The following ERG variants were observed in gnomAD, a reference collection of about 807,000 sequenced individuals.
ERG encodes the protein ETS transcription factor ERG.
ERG carries 9 observed loss-of-function variants against 55.3 expected under a neutral mutation model. The observed-to-expected ratio is 0.16, with a 90% CI of 0.10 to 0.28. The LOEUF is 0.28. Among genes scored for constraint, ERG ranks in the 10% least tolerant of loss-of-function variants. The pLI, the probability that ERG is intolerant of heterozygous loss-of-function variation, is 1.00. For synonymous variants in ERG, 223 were observed against 237.3 expected, an observed-to-expected ratio of 0.94 and a Z score of 0.55; for missense variants, 434 against 631.6, an observed-to-expected ratio of 0.69 and a Z score of 3.35.
chr21:38,395,444 C>T (rs1016832842), intron 6 of ERG: 8 of 217,614 alleles, frequency 3.7e-5, no homozygotes, highest in African/African-American at 1.3e-4. Flanking sequence ...ATTTAATTTT[C>T]GCTGATCATT....
At chr21:38,585,347 G>A (rs1029628785), upstream of ERG, among the ~76,000 whole-genome samples, 1 of 152,010 alleles carries the variant, frequency 6.6e-6, no homozygotes, top group African/African-American at 2.4e-5. Flanking sequence ...AAAACATCCC[G>A]AGAACTGTAA....
chr21:38,579,592 G>A (rs2060015526), intron 1 of ERG, among the ~76,000 whole-genome samples: 1 of 152,158 alleles, frequency 6.6e-6, no homozygotes, highest in African/African-American at 2.4e-5. Flanking sequence ...AAGGCATGAA[G>A]CAGGGAACCT....
chr21:38,439,389 G>C (rs1217516808), intron 2 of ERG, among the ~76,000 whole-genome samples: 1 of 152,210 alleles, frequency 6.6e-6, no homozygotes. Context: ...GCAAATTCAG[G>C]GCATTGGTAG....
intron 1 of ERG, among the ~76,000 whole-genome samples, chr21:38,594,372 G>A (rs955552253): frequency 6.6e-6 from 1 of 152,094 alleles, no homozygotes; most frequent in Non-Finnish European, 1.5e-5. Context: ...ATGCCTCCCC[G>A]TTAACCCATG....
At chr21:38,548,743 C>T (rs1427723293) in intron 2 of ERG, among the ~76,000 whole-genome samples, 2 of 147,468 alleles carry the variant, frequency 1.4e-5, no homozygotes, top group Admixed American at 1.4e-4. Context: ...AGATTACAGG[C>T]GTGAGCCACC....
chr21:38,652,127 A>G (rs936267960), intron 1 of ERG, among the ~76,000 whole-genome samples: 5 of 152,132 alleles, frequency 3.3e-5, no homozygotes, highest in African/African-American at 9.7e-5. Context: ...GATCCCTCCA[A>G]CACTCCAGAG....
intron 2 of ERG, among the ~76,000 whole-genome samples, chr21:38,560,454 C>T (rs560447480): frequency 1.2e-4 from 19 of 152,266 alleles, no homozygotes; most frequent in Admixed American, 3.3e-4. Context: ...ACCCGGGGCC[C>T]CTCCAAAGGC....
rs774845793 is a variant in ERG, at chr21:38,383,582, A to G, written c.1261T>C (p.Tyr421His). ...TTCATCTTCTGTGGGTGGGCGTGAT[A>G]GGAGCCCATGTACGGGAGGTCTGAG... ...YPSDLPYMGS[Y>H]HAHPQKMNFV... is the part of the protein sequence containing the mutation. Residue 421 changes from tyrosine (Y) to histidine (H), a missense_variant, in exon 10 of 10, where the codon TAT becomes CAT. Physicochemically the swap from Tyr to His is moderately conservative, Grantham distance 83 (BLOSUM62 2). Transcript: ENST00000288319. The surrounding 1 kb of genome is among the most constrained non-coding windows in gnomAD (Gnocchi z 5.7). The G allele has an allele frequency of 1.9e-6, 3 of 1,607,340 alleles. No individual in the cohort carries two copies. The highest frequency in any genetic ancestry group is 2.6e-6 in the Non-Finnish European group (3 of 1,174,874).
chr21:38,561,322 T>C (rs1176542153), intron 2 of ERG, among the ~76,000 whole-genome samples: 2 of 152,188 alleles, frequency 1.3e-5, no homozygotes, highest in African/African-American at 4.8e-5. Context: ...ATTTTATATA[T>C]AATTCTTGCA....
At position 38,429,691 on chromosome 21, in the gene ERG, G is replaced by A. The variant is rs1990104654; in HGVS notation, c.237-6130C>T. On this transcript the variant is annotated intron_variant, in intron 2 of 9. Coordinates refer to ENST00000288319, the MANE Select transcript of ERG (RefSeq NM_182918.4). ...TATGTGTATATATGTATATATGTGTGTATACATGTATATGTGTGTGCATAT... is the reference window on the plus strand; with the variant it reads ...TATGTGTATATATGTATATATGTGTATATACATGTATATGTGTGTGCATAT... Among the ~76,000 whole-genome samples, 6 of 147,376 alleles carry A rather than the reference G, an allele frequency of 4.1e-5. 1 individual carries two copies. The highest frequency in any genetic ancestry group is 1.5e-4 in the African/African-American group (6 of 39,866).
chr21:38,427,835 A>G (rs898030714), intron 2 of ERG, among the ~76,000 whole-genome samples: 1 of 152,142 alleles, frequency 6.6e-6, no homozygotes, highest in Non-Finnish European at 1.5e-5. Context: ...CAAGATGCAA[A>G]TAAGAAAGAG....
intron 2 of ERG, among the ~76,000 whole-genome samples, chr21:38,570,470 T>C (rs1179972379): frequency 6.6e-6 from 1 of 152,246 alleles, no homozygotes; most frequent in Non-Finnish European, 1.5e-5. Context: ...ATGCTCATGT[T>C]GCTCCATAGG....
intron 2 of ERG, among the ~76,000 whole-genome samples, chr21:38,558,251 G>A (rs2059870227): frequency 1.3e-5 from 2 of 152,092 alleles, no homozygotes; most frequent in Admixed American, 1.3e-4. Flanking sequence ...TGGAGAAAGG[G>A]GACCAACCAC....
In ERG at chr21:38,380,850, G is replaced by C. The variant is rs1354899539; in HGVS notation, c.*2553C>G. 3 of 1,065,002 alleles carry C rather than the reference G, an allele frequency of 2.8e-6. No individual in the cohort carries two copies. Among genetic ancestry groups the C allele is most frequent in the Non-Finnish European group, 3.4e-6 (3 of 879,202 alleles). 66.0% of individuals were successfully genotyped at this position (1,065,002 alleles called of 1,614,324 possible). A position where few individuals can be genotyped will look rare whatever the true frequency, so the allele number is the denominator to read the frequency against. ...ATGATCTTGCTCATGAGACAGTCTTGAAGAGAGAACTGAGTGATTATCCAA... is the reference window on the plus strand; with the variant it reads ...ATGATCTTGCTCATGAGACAGTCTTCAAGAGAGAACTGAGTGATTATCCAA... On this transcript the variant is annotated 3_prime_UTR_variant, in exon 10 of 10. Coordinates refer to ENST00000288319, the MANE Select transcript of ERG (RefSeq NM_182918.4).
intron 2 of ERG, among the ~76,000 whole-genome samples, chr21:38,520,322 C>A (rs1245367350): frequency 6.6e-6 from 1 of 152,116 alleles, no homozygotes; most frequent in Non-Finnish European, 1.5e-5. Context: ...CAAATAGGAA[C>A]CAGCTACTTA....
intron 2 of ERG, among the ~76,000 whole-genome samples, chr21:38,424,435 GCACAGAA>G (rs1989724379): frequency 6.6e-6 from 1 of 152,210 alleles, no homozygotes; most frequent in South Asian, 2.1e-4. Flanking sequence ...CTGGCTAGAT[GCACAGAA>G]CACGCACAAG....
intron 2 of ERG, among the ~76,000 whole-genome samples, chr21:38,525,441 T>C (rs2059623256): frequency 6.6e-6 from 1 of 152,204 alleles, no homozygotes; most frequent in Non-Finnish European, 1.5e-5. Context: ...TCCAAAAGCC[T>C]GCCAGACATC....
intron 2 of ERG, among the ~76,000 whole-genome samples, chr21:38,565,942 T>C (rs1311374142): frequency 6.6e-6 from 1 of 152,170 alleles, no homozygotes; most frequent in Non-Finnish European, 1.5e-5. Flanking sequence ...ATAACGTAAC[T>C]TGTTGATAAG....
At chr21:38,660,219 C>T (rs887217216) in intron 1 of ERG, among the ~76,000 whole-genome samples, 4 of 152,228 alleles carry the variant, frequency 2.6e-5, no homozygotes, top group African/African-American at 9.6e-5. Context: ...ATTTCCACTC[C>T]AGACAAGGAC....
Sources: allele counts gnomAD v4.1 joint callset (sites outside exome capture counted in the v4.1 genomes callset), GRCh38; gene constraint gnomAD v4.1.1; non-coding constraint Gnocchi (gnomAD v3.1); transcripts MANE v1.5; gene names NCBI Gene and HGNC (gene_info 2026-07-23, HGNC 2026-07-21).